SP4: variants seen among roughly 807,000 people sequenced by gnomAD.
SP4 encodes the protein Sp4 transcription factor, also known as transcription factor Sp4.
In SP4, 19 loss-of-function variants were observed where a neutral mutation model predicts 72.8. That is an observed-to-expected ratio of 0.26 (90% CI 0.18 to 0.38). The LOEUF is 0.38. SP4 is among the 10% of genes least tolerant of loss of function. The pLI, the probability that SP4 is intolerant of heterozygous loss-of-function variation, is 1.00. For synonymous variants in SP4, 395 were observed against 333.1 expected, an observed-to-expected ratio of 1.19 and a Z score of -2.02; for missense variants, 1,008 against 926.3, an observed-to-expected ratio of 1.09 and a Z score of -1.14.
intron 5 of SP4, among the ~76,000 whole-genome samples, chr7:21,510,684 T>A (rs1005342899): frequency 2.0e-5 from 3 of 148,098 alleles, no homozygotes; most frequent in Non-Finnish European, 4.5e-5. Flanking sequence ...ATTATATATA[T>A]TTGTTACATC....
intron 3 of SP4, among the ~76,000 whole-genome samples, chr7:21,452,553 T>A (rs10950853): frequency 0.089 from 13,496 of 152,184 alleles, 1,604 homozygotes; most frequent in East Asian, 0.54. Context: ...CTTGGCTTTA[T>A]AAGTCAATTT....
At chr7:21,491,534 G>A (rs144906273) in intron 5 of SP4, among the ~76,000 whole-genome samples, 29 of 152,210 alleles carry the variant, frequency 1.9e-4, no homozygotes, top group African/African-American at 6.5e-4. Context: ...CCCATGTTAG[G>A]TATAATAGGT....
chr7:21,509,208 T>G (rs952018304), intron 5 of SP4, among the ~76,000 whole-genome samples: 1 of 152,158 alleles, frequency 6.6e-6, no homozygotes, highest in Non-Finnish European at 1.5e-5. Flanking sequence ...ATTAATTATA[T>G]GTAGGGGTAT....
intron 3 of SP4, among the ~76,000 whole-genome samples, chr7:21,457,974 A>G (rs1783823068): frequency 6.6e-6 from 1 of 152,220 alleles, no homozygotes; most frequent in Non-Finnish European, 1.5e-5. Flanking sequence ...TTGTAAATTC[A>G]TGGTCTTTTG....
intron 1 of SP4, 25 bp from the exon 2 acceptor site, chr7:21,428,652 T>G: frequency 6.7e-7 from 1 of 1,503,634 alleles, no homozygotes; most frequent in Non-Finnish European, 9.0e-7. Context: ...TTGTCGTGTG[T>G]GTGTGGTGGG....
intron 3 of SP4, among the ~76,000 whole-genome samples, chr7:21,465,126 G>A (rs779568706): frequency 6.6e-6 from 1 of 152,150 alleles, no homozygotes; most frequent in Non-Finnish European, 1.5e-5. Context: ...ACAGTTATCT[G>A]GAGCAAGATT....
At chr7:21,489,522 T>C (rs1204848441) in intron 5 of SP4, among the ~76,000 whole-genome samples, 1 of 150,924 alleles carries the variant, frequency 6.6e-6, no homozygotes, top group Non-Finnish European at 1.5e-5. Flanking sequence ...GTTTTTGCTA[T>C]GTTGCCCAGG....
At chr7:21,488,866 A>G (rs1036344352) in intron 5 of SP4, among the ~76,000 whole-genome samples, 1 of 152,236 alleles carries the variant, frequency 6.6e-6, no homozygotes. Flanking sequence ...CTTTTATGTT[A>G]CATGTGTTAA....
chr7:21,429,448 A>G lies in SP4; in HGVS notation c.283A>G (p.Thr95Ala). 1 of 1,614,152 alleles carries G rather than the reference A, an allele frequency of 6.2e-7. No homozygotes were observed. The change falls in exon 3 of 6, where the codon ACG becomes GCG. Residue 95 changes from threonine to alanine, a missense_variant. This residue lies in a region of SP4 where 893 missense variants were observed against 743.3 expected (regional missense o/e 1.20). Coordinates refer to ENST00000222584, the MANE Select transcript of SP4 (RefSeq NM_003112.5). ...ACCACAACAGCTAGAACTGGTAACAACGCAACTTGCTGGAAACGCTTGGCA... is the reference window on the plus strand; with the variant it reads ...ACCACAACAGCTAGAACTGGTAACAGCGCAACTTGCTGGAAACGCTTGGCA... ...NQPQQLELVT[T>A]QLAGNAWQLV... is the part of the protein sequence containing the mutation.
At chr7:21,491,492 G>A (rs538834454) in intron 5 of SP4, among the ~76,000 whole-genome samples, 4 of 152,166 alleles carry the variant, frequency 2.6e-5, no homozygotes, top group African/African-American at 9.7e-5. Context: ...ACTGCTGTAA[G>A]ACAAAATTTG....
chr7:21,463,507 A>T (rs536337860), intron 3 of SP4, among the ~76,000 whole-genome samples: 2 of 152,226 alleles, frequency 1.3e-5, no homozygotes, highest in African/African-American at 4.8e-5. Flanking sequence ...TCAGCGAGAC[A>T]CAAGGGATTA....
chr7:21,468,506 A>G (rs1326289509), intron 3 of SP4, among the ~76,000 whole-genome samples: 1 of 151,486 alleles, frequency 6.6e-6, no homozygotes, highest in African/African-American at 2.4e-5. Context: ...TATTGTTGCT[A>G]TTATGAATGG....
chr7:21,428,635 T>C, intron 1 of SP4, 42 bp from the exon 2 acceptor site: 1 of 1,484,858 alleles, frequency 6.7e-7, no homozygotes, highest in South Asian at 1.2e-5. Context: ...ATAATCCTAA[T>C]AACCTGTTGT....
chr7:21,464,838 T>C (rs146970932), intron 3 of SP4, among the ~76,000 whole-genome samples: 4 of 152,360 alleles, frequency 2.6e-5, no homozygotes, highest in African/African-American at 9.6e-5. Context: ...ATTACTACTA[T>C]GGTGACTCAT....
At chr7:21,458,205 G>T (rs1056853935) in intron 3 of SP4, among the ~76,000 whole-genome samples, 3 of 151,988 alleles carry the variant, frequency 2.0e-5, no homozygotes, top group Admixed American at 1.3e-4. Flanking sequence ...TTTGGGGGGT[G>T]GGGTGGGGAT....
At chr7:21,429,251 TCCCCCC>T in intron 2 of SP4, 32 bp from the exon 3 acceptor site, 1 of 1,026,092 alleles carries the variant, frequency 9.7e-7, no homozygotes, top group Admixed American at 2.4e-5. Flanking sequence ...CCACTTTTTT[TCCCCCC>T]CCCCTCTCCT....
At chr7:21,432,639 G>A (rs769971360) in intron 3 of SP4, among the ~76,000 whole-genome samples, 6 of 152,118 alleles carry the variant, frequency 3.9e-5, no homozygotes, top group Non-Finnish European at 8.8e-5. Context: ...GGTACTGTAA[G>A]TTTTGAATTG....
chr7:21,438,107 T>C (rs947060219), intron 3 of SP4, among the ~76,000 whole-genome samples: 1 of 151,634 alleles, frequency 6.6e-6, no homozygotes, highest in African/African-American at 2.4e-5. Flanking sequence ...AACAGTGGAA[T>C]GGTTTGTTTC....
At chr7:21,464,804 T>C (rs1784116656) in intron 3 of SP4, among the ~76,000 whole-genome samples, 1 of 152,180 alleles carries the variant, frequency 6.6e-6, no homozygotes, top group Non-Finnish European at 1.5e-5. Context: ...GAATAAAAGT[T>C]GGTGATAGAG....
Sources: allele counts gnomAD v4.1 joint callset (sites outside exome capture counted in the v4.1 genomes callset), GRCh38; gene constraint gnomAD v4.1.1; regional missense constraint gnomAD v4.1.1; transcripts MANE v1.5; gene names NCBI Gene and HGNC (gene_info 2026-07-23, HGNC 2026-07-21).